PLCH1: variants seen among roughly 807,000 people sequenced by gnomAD.
PLCH1 encodes the protein phospholipase C eta 1.
In PLCH1, 60 loss-of-function variants were observed where a neutral mutation model predicts 126.7. That is an observed-to-expected ratio of 0.47 (90% CI 0.38 to 0.59). The LOEUF is 0.59. Ranked by LOEUF, PLCH1 falls within the 20% of genes least tolerant of loss-of-function variation. PLCH1 has a pLI of 0.00. For missense variants in PLCH1, 1,723 were observed against 2,040.0 expected (o/e 0.84, Z 2.99); for synonymous variants, 719 against 734.9 (o/e 0.98, Z 0.35).
At position 155,692,706 on chromosome 3, in the gene PLCH1, C is replaced by G. The variant is rs539971830; in HGVS notation, c.79+11440G>C. Among the ~76,000 whole-genome samples, 12 of 152,266 alleles carry G rather than the reference C, an allele frequency of 7.9e-5. No homozygotes were observed. The South Asian group carries it at 2.3e-3, about 29-fold the overall frequency. ...GTTATCACAGCAAGGATTCTCTGAGCCTCATTCTCCTCATTAGCGAAATGA... is the reference window on the plus strand; with the variant it reads ...GTTATCACAGCAAGGATTCTCTGAGGCTCATTCTCCTCATTAGCGAAATGA... On this transcript the variant is annotated intron_variant, in intron 2 of 22. Coordinates refer to ENST00000460012, the MANE Select transcript of PLCH1 (RefSeq NM_014996.4).
intron 8 of PLCH1, among the ~76,000 whole-genome samples, chr3:155,556,222 G>A (rs775694808): frequency 1.3e-5 from 2 of 152,138 alleles, no homozygotes; most frequent in South Asian, 2.1e-4. Flanking sequence ...GTGTGGTGGC[G>A]GATGCCTGTA....
At position 155,574,968 on chromosome 3, in the gene PLCH1, T is replaced by C. The variant is rs534526870; in HGVS notation, c.772-6644A>G. 4.6e-5 allele frequency among the ~76,000 whole-genome samples: 7 copies of C among 151,744 alleles called. No homozygotes were observed. The East Asian group carries it at 7.8e-4, about 17-fold the overall frequency. On this transcript the variant is annotated intron_variant, in intron 6 of 22. Transcript: ENST00000460012. ...CAACGTGGTGAAACCCCATCTCTAC[T>C]AAAAACACAAAAATCAGCCAGGTAT...
chr3:155,649,705 G>A (rs950661689), intron 2 of PLCH1, among the ~76,000 whole-genome samples: 5 of 152,182 alleles, frequency 3.3e-5, no homozygotes, highest in South Asian at 2.1e-4. Context: ...ATGGCCGGGC[G>A]CGGTGGCTCA....
intron 1 of PLCH1, among the ~76,000 whole-genome samples, chr3:155,736,095 G>C (rs1749161405): frequency 6.6e-6 from 1 of 152,216 alleles, no homozygotes; most frequent in South Asian, 2.1e-4. Context: ...CACCAGATCG[G>C]AAGTGAGGAC....
intron 10 of PLCH1, among the ~76,000 whole-genome samples, chr3:155,543,595 C>A (rs1308818234): frequency 6.6e-6 from 1 of 152,114 alleles, no homozygotes. Context: ...GTCAGATTCA[C>A]CAAAGTTGAA....
intron 6 of PLCH1, among the ~76,000 whole-genome samples, chr3:155,580,025 T>C (rs1223296885): frequency 1.3e-5 from 2 of 152,062 alleles, no homozygotes; most frequent in South Asian, 4.1e-4. Context: ...GTTCAAAAAA[T>C]ACAATTCAAA....
intron 12 of PLCH1, among the ~76,000 whole-genome samples, chr3:155,510,993 C>G (rs1386087214): frequency 7.9e-6 from 1 of 126,476 alleles, no homozygotes; most frequent in African/African-American, 3.6e-5. Flanking sequence ...TCAGGTACAC[C>G]AATCATACGT....
chr3:155,664,701 GA>G (rs1399395446), intron 2 of PLCH1, among the ~76,000 whole-genome samples: 1 of 152,188 alleles, frequency 6.6e-6, no homozygotes, highest in Non-Finnish European at 1.5e-5. Flanking sequence ...GTATGTTGAT[GA>G]AAGCTTCCCC....
intron 3 of PLCH1, among the ~76,000 whole-genome samples, chr3:155,595,977 A>AAT (rs10587508): frequency 0.066 from 9,843 of 149,958 alleles, 651 homozygotes; most frequent in African/African-American, 0.18. Flanking sequence ...ATTCCAACTA[A>AAT]ATATATATAT....
In PLCH1 at chr3:155,721,076, T is replaced by G. The variant is rs535874898; in HGVS notation, c.-40-16812A>C. On this transcript the variant is annotated intron_variant, in intron 1 of 22. Transcript: ENST00000460012. ...CTCTATTCTGCTCCATTGGTCTATG[T>G]GCCTATTTTCATACCAGTGCCGTGC... 1.6e-4 allele frequency among the ~76,000 whole-genome samples: 24 copies of G among 152,356 alleles called. No homozygotes were observed. In the South Asian group the frequency reaches 4.4e-3, roughly 28 times the overall value.
At chr3:155,605,240 A>G (rs1435783234) in intron 2 of PLCH1, among the ~76,000 whole-genome samples, 1 of 152,172 alleles carries the variant, frequency 6.6e-6, no homozygotes, top group African/African-American at 2.4e-5. Flanking sequence ...ACACACTCTT[A>G]GTCCAAATGT....
Position 155,743,562 on chromosome 3 carries a change from A to G in PLCH1, c.-41+1278T>C, listed in dbSNP as rs112117816. The G allele has an allele frequency of 8.8e-4, 401 of 453,900 alleles. 3 individuals carry two copies. Among genetic ancestry groups the G allele is most frequent in the African/African-American group, 6.2e-3 (306 of 49,732 alleles). The allele number at this position is 453,900 out of a possible 1,614,324, so 28.1% of individuals were successfully genotyped here. ...AGAAAAAAAGAAAAAGAAAATGACCAGCTTGAGAAAACTGGCTTCTGTTAA... is the reference window on the plus strand; with the variant it reads ...AGAAAAAAAGAAAAAGAAAATGACCGGCTTGAGAAAACTGGCTTCTGTTAA... On this transcript the variant is annotated intron_variant, in intron 1 of 22. Transcript: ENST00000460012.
chr3:155,525,466 C>T (rs1019450003), intron 10 of PLCH1, among the ~76,000 whole-genome samples: 2 of 152,150 alleles, frequency 1.3e-5, no homozygotes, highest in African/African-American at 4.8e-5. Context: ...GCATCTAGAT[C>T]CACGAGCAAT....
intron 10 of PLCH1, among the ~76,000 whole-genome samples, chr3:155,542,006 C>T (rs1033501949): frequency 6.6e-6 from 1 of 152,328 alleles, no homozygotes; most frequent in African/African-American, 2.4e-5. Flanking sequence ...CCGGGTTCAT[C>T]TCACTAGGGA....
At chr3:155,521,229 C>T (rs1473096169) in intron 11 of PLCH1, among the ~76,000 whole-genome samples, 7 of 152,170 alleles carry the variant, frequency 4.6e-5, no homozygotes, top group African/African-American at 7.2e-5. Context: ...TGATCACTGT[C>T]TAGTACACTA....
chr3:155,627,294 T>C (rs1411955188), intron 2 of PLCH1, among the ~76,000 whole-genome samples: 1 of 152,234 alleles, frequency 6.6e-6, no homozygotes, highest in Non-Finnish European at 1.5e-5. Flanking sequence ...TAATTACAGA[T>C]ACATAGCTGT....
chr3:155,676,194 T>C (rs1207984645), intron 2 of PLCH1: 2 of 1,303,116 alleles, frequency 1.5e-6, no homozygotes, highest in Middle Eastern at 2.0e-4. Flanking sequence ...CTGCCCTTTA[T>C]GGCATGATGA....
chr3:155,483,214 T>C, intron 22 of PLCH1, 163 bp from the exon 23 acceptor site: 1 of 880,772 alleles, frequency 1.1e-6, no homozygotes, highest in Non-Finnish European at 1.8e-6. Flanking sequence ...GTCTGTGTGA[T>C]GAATAAATGG....
chr3:155,694,380 G>C (rs772561633), intron 2 of PLCH1, among the ~76,000 whole-genome samples: 6 of 152,158 alleles, frequency 3.9e-5, no homozygotes, highest in Non-Finnish European at 4.4e-5. Flanking sequence ...CCAAGGCTGG[G>C]AACCATTGAT....
Sources: gnomAD v4.1 joint callset for allele counts (sites outside exome capture counted in the v4.1 genomes callset) on GRCh38, gnomAD v4.1.1 for gene constraint, MANE v1.5 for transcripts, NCBI Gene and HGNC (gene_info 2026-07-23, HGNC 2026-07-21) for gene names.